Variants in TAF4 observed in about 807,000 individuals in gnomAD.
The protein encoded by TAF4 is TATA-box binding protein associated factor 4, also known as transcription initiation factor TFIID subunit 4.
A neutral mutation model predicts 90.3 loss-of-function variants in TAF4; 9 were observed. That is an observed-to-expected ratio of 0.10 (90% CI 0.06 to 0.17). TAF4 has a LOEUF of 0.17. TAF4 is among the 10% of genes least tolerant of loss of function. The pLI, the probability that TAF4 is intolerant of heterozygous loss-of-function variation, is 1.00. For synonymous variants in TAF4, 818 were observed against 638.9 expected, an observed-to-expected ratio of 1.28 and a Z score of -4.23; for missense variants, 1,351 against 1,370.7, an observed-to-expected ratio of 0.99 and a Z score of 0.23.
chr20:61,979,794 A>C (rs1255471382), intron 14 of TAF4, among the ~76,000 whole-genome samples: 4 of 122,352 alleles, frequency 3.3e-5, no homozygotes, highest in Admixed American at 2.6e-4. Flanking sequence ...GGACTGCGGC[A>C]TGTGCAGGCG....
At chr20:62,057,484 T>C (rs1032235743) in intron 1 of TAF4, among the ~76,000 whole-genome samples, 10 of 152,250 alleles carry the variant, frequency 6.6e-5, no homozygotes, top group African/African-American at 1.9e-4. Flanking sequence ...CCAAGATCCA[T>C]GTACCCCAAC....
At chr20:62,026,775 C>T (rs1307093262) in intron 1 of TAF4, among the ~76,000 whole-genome samples, 1 of 152,188 alleles carries the variant, frequency 6.6e-6, no homozygotes, top group Non-Finnish European at 1.5e-5. Flanking sequence ...GCTGCCGCCC[C>T]GTGAGTGGAG....
At chr20:62,013,906 G>GTGTGT (rs2055794463) in intron 2 of TAF4, among the ~76,000 whole-genome samples, 37 of 107,404 alleles carry the variant, frequency 3.4e-4, no homozygotes, top group African/African-American at 1.2e-3. Flanking sequence ...GGCTGACGCG[G>GTGTGT]GTGTGTGTGT....
chr20:62,006,926 G>C lies in TAF4; in HGVS notation c.1975-168C>G. The C allele has an allele frequency of 3.4e-6, 3 of 870,550 alleles. No homozygotes were observed. Among genetic ancestry groups the C allele is most frequent in the Non-Finnish European group, 4.7e-6 (3 of 644,426 alleles). The allele number at this position is 870,550 out of a possible 1,614,324, so 53.9% of individuals were successfully genotyped here. A position where few individuals can be genotyped will look rare whatever the true frequency, so the allele number is the denominator to read the frequency against. ...ATGTCAAGGGCCAGGACCCCATCCT[G>C]CCCTCCCACTAAGTGGGATTATTCC... is the stretch of plus-strand genomic sequence containing the variant. On this transcript the variant is annotated intron_variant, in intron 6 of 14. Coordinates refer to ENST00000252996, the MANE Select transcript of TAF4 (RefSeq NM_003185.4). The surrounding 1 kb of genome is among the most constrained non-coding windows in gnomAD (Gnocchi z 7.0).
intron 7 of TAF4, chr20:62,005,724 A>C (rs1033501967): frequency 6.6e-6 from 1 of 152,236 alleles, no homozygotes; most frequent in African/African-American, 2.4e-5. Flanking sequence ...AACAAATGCA[A>C]CTTGAACAGA....
At chr20:62,059,529 G>C (rs148021829) in intron 1 of TAF4, among the ~76,000 whole-genome samples, 345 of 152,298 alleles carry the variant, frequency 2.3e-3, no homozygotes, top group Non-Finnish European at 3.9e-3. Context: ...CATAGCAACC[G>C]CAGGCCCACC....
intron 13 of TAF4, 40 bp from the exon 14 acceptor site, chr20:61,997,709 C>T (rs1322035231): frequency 2.5e-6 from 4 of 1,584,680 alleles, no homozygotes; most frequent in Non-Finnish European, 3.4e-6. Context: ...TCATTTCTTG[C>T]ATGTTTTTTA....
At chr20:62,024,315 A>G (rs1318618230) in intron 1 of TAF4, among the ~76,000 whole-genome samples, 2 of 152,232 alleles carry the variant, frequency 1.3e-5, no homozygotes, top group Non-Finnish European at 2.9e-5. Flanking sequence ...TGTAAAACCT[A>G]AAACTTCCAG....
chr20:62,056,173 G>T (rs1247404187), intron 1 of TAF4, among the ~76,000 whole-genome samples: 2 of 152,126 alleles, frequency 1.3e-5, no homozygotes, highest in Admixed American at 1.3e-4. Flanking sequence ...GGAGGCGGAG[G>T]TTGCAGTAAG....
chr20:62,014,557 G>C lies in TAF4; in HGVS notation c.1511C>G (p.Ser504Cys). 6.2e-7 allele frequency: 1 copy of C among 1,612,372 alleles called. No individual in the cohort carries two copies. The highest frequency in any genetic ancestry group is 8.5e-7 in the Non-Finnish European group (1 of 1,179,356). ...TPTSAPPVQISTVQAPGTPII... is the reference protein window; with the variant it reads ...TPTSAPPVQICTVQAPGTPII... ...CACACGTGCACTCACCTGTACGGTG[G>C]AGATCTGGACGGGAGGGGCACTTGT... The change falls in exon 2 of 15, where the codon TCC becomes TGC. Residue 504 changes from serine to cysteine, a missense_variant. Ser to Cys is a moderately radical substitution (Grantham distance 112, BLOSUM62 -1). Coordinates refer to ENST00000252996, the MANE Select transcript of TAF4 (RefSeq NM_003185.4).
intron 4 of TAF4, among the ~76,000 whole-genome samples, chr20:62,009,830 T>C (rs916372117): frequency 8.5e-5 from 13 of 152,238 alleles, no homozygotes; most frequent in Non-Finnish European, 1.9e-4. Flanking sequence ...TTTTGCTGTT[T>C]GCAGACTTCT....
At chr20:62,003,325 C>T (rs185296472) in intron 8 of TAF4, 51 bp from the exon 9 acceptor site, 1 of 1,464,088 alleles carries the variant, frequency 6.8e-7, no homozygotes. Context: ...ATTAGATCAA[C>T]TATGTGCTTT....
At chr20:62,001,906 G>C (rs999809012) in intron 9 of TAF4, among the ~76,000 whole-genome samples, 31 of 152,154 alleles carry the variant, frequency 2.0e-4, no homozygotes, top group Admixed American at 1.2e-3. Flanking sequence ...GACAACATCT[G>C]AACACTAGGT....
intron 2 of TAF4, among the ~76,000 whole-genome samples, chr20:62,013,399 G>A (rs900738717): frequency 2.0e-5 from 3 of 152,244 alleles, no homozygotes; most frequent in Non-Finnish European, 1.5e-5. Flanking sequence ...AGCCCATGAA[G>A]TTTGTCGGAG....
At chr20:61,977,927 A>C (rs1186700014) in intron 14 of TAF4, among the ~76,000 whole-genome samples, 1 of 152,240 alleles carries the variant, frequency 6.6e-6, no homozygotes, top group East Asian at 1.9e-4. Context: ...CAGCTAAAAA[A>C]GAGGACCGGG....
chr20:62,011,665 G>A (rs559929150), intron 3 of TAF4, among the ~76,000 whole-genome samples: 45 of 152,232 alleles, frequency 3.0e-4, no homozygotes, highest in African/African-American at 9.9e-4. Flanking sequence ...CCGGGGTTGC[G>A]GGGGGAGCTG....
chr20:62,031,478 C>A (rs988391584), intron 1 of TAF4, among the ~76,000 whole-genome samples: 2 of 152,334 alleles, frequency 1.3e-5, no homozygotes, highest in Admixed American at 6.5e-5. Context: ...TTCACTTCTG[C>A]ACAATTTTAA....
Position 62,064,660 on chromosome 20 carries a change from G to T in TAF4, c.1151C>A (p.Pro384His), listed in dbSNP as rs772981637. ...GGGCGGCGGGACGGCGGCCGGGCTGGGCAGCGCCCCTTGCATAGTTGGCCC... is the reference window on the plus strand; with the variant it reads ...GGGCGGCGGGACGGCGGCCGGGCTGTGCAGCGCCCCTTGCATAGTTGGCCC... The part of the protein sequence containing the change: ...VIGPTMQGAL[P>H]SPAAVPPPAP... Residue 384 changes from proline (P) to histidine (H), a missense_variant, in exon 1 of 15, where the codon CCC becomes CAC. Around this residue, in one of 9 missense-constraint regions of TAF4, gnomAD observed 782 missense variants for 536.6 expected, o/e 1.46. Coordinates refer to ENST00000252996, the MANE Select transcript of TAF4 (RefSeq NM_003185.4). The T allele has an allele frequency of 2.3e-6, 3 of 1,303,830 alleles. No homozygotes were observed. Among genetic ancestry groups the T allele is most frequent in the Non-Finnish European group, 2.9e-6 (3 of 1,032,534 alleles). The allele number at this position is 1,303,830 out of a possible 1,614,324, so 80.8% of individuals were successfully genotyped here.
At position 61,988,265 on chromosome 20, in the gene TAF4, G is replaced by A. The variant is rs1031415517; in HGVS notation, c.3090+9285C>T. ...ATGGATTCTAACAAACGCACCACCC[G>A]GCCAAGCGGGGGAGGCTGTGCACCT... On this transcript the variant is annotated intron_variant, in intron 14 of 14. Transcript: ENST00000252996. 7.7e-5 allele frequency among the ~76,000 whole-genome samples: 7 copies of A among 90,946 alleles called. No individual in the cohort carries two copies. The South Asian group carries it at 9.8e-4, about 13-fold the overall frequency. 59.7% of individuals were successfully genotyped at this position (90,946 alleles called of 152,430 possible).
Sources: gnomAD v4.1 joint callset for allele counts (sites outside exome capture counted in the v4.1 genomes callset) on GRCh38, gnomAD v4.1.1 for gene constraint, gnomAD v4.1.1 regional missense constraint, Gnocchi (gnomAD v3.1) non-coding constraint, MANE v1.5 for transcripts, NCBI Gene and HGNC (gene_info 2026-07-23, HGNC 2026-07-21) for gene names.